Variants in CRPPA observed in about 807,000 individuals in gnomAD.
The protein encoded by CRPPA is CDP-L-ribitol pyrophosphorylase A, also known as D-ribitol-5-phosphate cytidylyltransferase.
In CRPPA, 43 loss-of-function variants were observed where a neutral mutation model predicts 52.0. That is an observed-to-expected ratio of 0.83 (90% CI 0.65 to 1.07). The LOEUF (loss-of-function observed/expected upper bound fraction) is 1.07, where lower values mean the gene tolerates loss of function less well. Ranked by LOEUF, CRPPA falls within the 50% of genes least tolerant of loss-of-function variation. CRPPA has a pLI of 0.00. For synonymous variants in CRPPA, 250 were observed against 203.5 expected, an observed-to-expected ratio of 1.23 and a Z score of -1.94; for missense variants, 629 against 551.7, an observed-to-expected ratio of 1.14 and a Z score of -1.40.
chr7:16,218,074 C>G (rs1782381084), intron 8 of CRPPA, among the ~76,000 whole-genome samples: 1 of 152,082 alleles, frequency 6.6e-6, no homozygotes. Context: ...GGAAGCCCAT[C>G]AGACTAACAG....
chr7:16,192,701 C>A (rs1156687882), intron 9 of CRPPA, among the ~76,000 whole-genome samples: 1 of 152,062 alleles, frequency 6.6e-6, no homozygotes, highest in Non-Finnish European at 1.5e-5. Context: ...ATTTGTTTAA[C>A]CTCCATATTT....
At chr7:16,399,926 T>C (rs1787757935) in intron 2 of CRPPA, among the ~76,000 whole-genome samples, 1 of 151,952 alleles carries the variant, frequency 6.6e-6, no homozygotes, top group Non-Finnish European at 1.5e-5. Flanking sequence ...GACAGGCGTG[T>C]TATGTGACCA....
rs372251337 is a variant in CRPPA, at chr7:16,284,696, G to C, written c.836-6470C>G. ...GGCATCTCTGATTTGCTTTAAAACA[G>C]ATGCCCACTCGTTCTCATTGTTTAC... On this transcript the variant is annotated intron_variant, in intron 5 of 9. Transcript: ENST00000407010. Among the ~76,000 whole-genome samples, 10 of 152,192 alleles carry C rather than the reference G, an allele frequency of 6.6e-5. No homozygotes were observed. In the East Asian group the frequency reaches 1.5e-3, roughly 24 times the overall value.
chr7:16,381,387 T>C (rs1428286759), intron 2 of CRPPA, among the ~76,000 whole-genome samples: 1 of 152,014 alleles, frequency 6.6e-6, no homozygotes, highest in African/African-American at 2.4e-5. Flanking sequence ...CTTTTACATT[T>C]GCTGAGGAGA....
intron 9 of CRPPA, 122 bp downstream of exon 9, chr7:16,215,944 T>C: frequency 1.3e-6 from 1 of 752,220 alleles, no homozygotes; most frequent in Non-Finnish European, 2.1e-6. Flanking sequence ...CACACATAGA[T>C]GAGTAACTTT....
At position 16,352,309 on chromosome 7, in the gene CRPPA, T is replaced by TA. The variant is rs1786176787; in HGVS notation, c.684+23782dup. ...AGGGAGAACATTAGGACAAAAAACTTAGATGGCGGGTTGATAGGTGCAGCA... is the reference window on the plus strand; with the variant it reads ...AGGGAGAACATTAGGACAAAAAACTTAAGATGGCGGGTTGATAGGTGCAGCA... On this transcript the variant is annotated intron_variant, in intron 3 of 9. Transcript: ENST00000407010. 3.3e-5 allele frequency among the ~76,000 whole-genome samples: 5 copies of TA among 151,820 alleles called. No homozygotes were observed. The South Asian group carries it at 8.3e-4, about 25-fold the overall frequency.
At chr7:16,389,971 A>T (rs1787401713) in intron 2 of CRPPA, among the ~76,000 whole-genome samples, 1 of 132,268 alleles carries the variant, frequency 7.6e-6, no homozygotes, top group South Asian at 2.5e-4. Flanking sequence ...GTTTACTGCT[A>T]GCATATAGAA....
At chr7:16,392,566 G>T (rs1194559171) in intron 2 of CRPPA, among the ~76,000 whole-genome samples, 1 of 152,062 alleles carries the variant, frequency 6.6e-6, no homozygotes, top group Non-Finnish European at 1.5e-5. Context: ...GAGGGAGAGG[G>T]TAGATGCACT....
chr7:16,152,958 G>C (rs1291403401), intron 9 of CRPPA, among the ~76,000 whole-genome samples: 1 of 151,940 alleles, frequency 6.6e-6, no homozygotes, highest in Non-Finnish European at 1.5e-5. Context: ...AATGTTGTAT[G>C]TTGTTCAGCA....
At chr7:16,219,788 C>G (rs201166134) in intron 8 of CRPPA, among the ~76,000 whole-genome samples, 40,305 of 117,006 alleles carry the variant, frequency 0.34, 7,517 homozygotes, top group Admixed American at 0.43. Flanking sequence ...AGCTGAAATT[C>G]TGGCAATAAT....
chr7:16,185,934 T>A (rs1023175200), intron 9 of CRPPA, among the ~76,000 whole-genome samples: 1 of 152,134 alleles, frequency 6.6e-6, no homozygotes, highest in African/African-American at 2.4e-5. Context: ...TAAACACACA[T>A]AAGCATGACT....
chr7:16,411,214 C>T lies in CRPPA; in HGVS notation c.258-4877G>A, dbSNP rs144515215. ...GCACATTATCATCATCTCAGCTTTACACATGAGGACACAGGCAGTAACCTG... is the reference window on the plus strand; with the variant it reads ...GCACATTATCATCATCTCAGCTTTATACATGAGGACACAGGCAGTAACCTG... On this transcript the variant is annotated intron_variant, in intron 1 of 9. Transcript: ENST00000407010. Among the ~76,000 whole-genome samples the T allele has an allele frequency of 2.4e-3, 365 of 152,290 alleles. 2 individuals carry two copies. The highest frequency in any genetic ancestry group is 8.5e-3 in the African/African-American group (353 of 41,560).
chr7:16,155,126 T>C (rs1783152875), intron 9 of CRPPA, among the ~76,000 whole-genome samples: 1 of 152,058 alleles, frequency 6.6e-6, no homozygotes, highest in Non-Finnish European at 1.5e-5. Context: ...GGCCTCAAAA[T>C]GAGTCCTTAT....
intron 2 of CRPPA, among the ~76,000 whole-genome samples, chr7:16,377,633 A>G (rs374693653): frequency 6.6e-6 from 1 of 152,198 alleles, no homozygotes; most frequent in African/African-American, 2.4e-5. Context: ...TATTCCAGAA[A>G]ATCTACTACA....
chr7:16,206,779 T>C (rs1288396082), intron 9 of CRPPA, among the ~76,000 whole-genome samples: 2 of 152,100 alleles, frequency 1.3e-5, no homozygotes, highest in African/African-American at 2.4e-5. Context: ...GTGAAACATC[T>C]GTGTTTTTCC....
At chr7:16,342,820 C>T (rs71530636) in intron 3 of CRPPA, among the ~76,000 whole-genome samples, 1,192 of 86,628 alleles carry the variant, frequency 0.014, 62 homozygotes, top group African/African-American at 0.06. Flanking sequence ...TATAGATATA[C>T]ATATATAGAT....
intron 5 of CRPPA, among the ~76,000 whole-genome samples, chr7:16,283,992 T>C (rs1224940537): frequency 3.3e-5 from 5 of 152,074 alleles, no homozygotes; most frequent in African/African-American, 4.8e-5. Context: ...GAAAGTAGCA[T>C]ATTGATACTT....
intron 9 of CRPPA, among the ~76,000 whole-genome samples, chr7:16,162,274 G>A (rs1780916064): frequency 6.6e-6 from 1 of 152,152 alleles, no homozygotes; most frequent in Non-Finnish European, 1.5e-5. Flanking sequence ...ATATGAGGGT[G>A]TCAATTTTAG....
At chr7:16,192,357 C>T (rs912962922) in intron 9 of CRPPA, among the ~76,000 whole-genome samples, 3 of 151,996 alleles carry the variant, frequency 2.0e-5, no homozygotes, top group Non-Finnish European at 4.4e-5. Context: ...ACAATGTTAG[C>T]GACATGGCTG....
Sources: allele counts gnomAD v4.1 joint callset (sites outside exome capture counted in the v4.1 genomes callset), GRCh38; gene constraint gnomAD v4.1.1; transcripts MANE v1.5; gene names NCBI Gene and HGNC (gene_info 2026-07-23, HGNC 2026-07-21).